SAMD8: variants seen among roughly 807,000 people sequenced by gnomAD.
The protein encoded by SAMD8 is sterile alpha motif domain containing 8.
In SAMD8, 20 loss-of-function variants were observed where a neutral mutation model predicts 42.0. The ratio of observed to expected loss-of-function variants is 0.48; its 90% CI spans 0.34 to 0.69. SAMD8 has a LOEUF of 0.69. SAMD8 is among the 30% of genes least tolerant of loss of function. The pLI is 0.01. For missense variants in SAMD8, 328 were observed against 511.6 expected (o/e 0.64, Z 3.46); for synonymous variants, 162 against 173.0 (o/e 0.94, Z 0.50).
chr10:75,137,333 A>G (rs1305638335), intron 1 of SAMD8, among the ~76,000 whole-genome samples: 2 of 152,168 alleles, frequency 1.3e-5, no homozygotes, highest in Non-Finnish European at 2.9e-5. Flanking sequence ...TGAGGTCAGG[A>G]GTTCGAGACC....
intron 1 of SAMD8, among the ~76,000 whole-genome samples, chr10:75,126,953 C>G (rs535617724): frequency 1.3e-5 from 2 of 151,920 alleles, no homozygotes; most frequent in East Asian, 3.9e-4. Context: ...TTTGGGAAGC[C>G]GAGGCGGGTA....
At chr10:75,146,831 T>C (rs905960254) in intron 1 of SAMD8, among the ~76,000 whole-genome samples, 1 of 152,232 alleles carries the variant, frequency 6.6e-6, no homozygotes, top group Non-Finnish European at 1.5e-5. Context: ...AACATAAATA[T>C]TAAATTGGCC....
intron 4 of SAMD8, among the ~76,000 whole-genome samples, chr10:75,169,169 CA>C (rs1023080854): frequency 0.16 from 4,715 of 30,140 alleles, 26 homozygotes; most frequent in African/African-American, 0.17. Context: ...GACTCCATCT[CA>C]AAAAAAAAAA....
intron 4 of SAMD8, among the ~76,000 whole-genome samples, chr10:75,168,895 G>T (rs1589976526): frequency 6.6e-6 from 1 of 152,060 alleles, no homozygotes; most frequent in Admixed American, 6.5e-5. Flanking sequence ...TCTTTCGGCC[G>T]GGCGCAGTGG....
In SAMD8 at chr10:75,166,645, C is replaced by T. The variant is rs373379155; in HGVS notation, c.675-1896C>T. Among the ~76,000 whole-genome samples, 146 of 152,236 alleles carry T rather than the reference C, an allele frequency of 9.6e-4. 2 individuals carry two copies. The Middle Eastern group carries it at 0.02, about 21-fold the overall frequency. ...GAGCCATATTCTCTCCCATTTTGTCCTGTTTTGCAGCAATATTTTAAATTC... is the reference window on the plus strand; with the variant it reads ...GAGCCATATTCTCTCCCATTTTGTCTTGTTTTGCAGCAATATTTTAAATTC... On this transcript the variant is annotated intron_variant, in intron 3 of 5. Transcript: ENST00000542569.
intron 1 of SAMD8, among the ~76,000 whole-genome samples, chr10:75,100,960 A>G (rs1371264917): frequency 6.6e-6 from 1 of 152,246 alleles, no homozygotes; most frequent in African/African-American, 2.4e-5. Flanking sequence ...TCTCAGCTGC[A>G]GTTTCAGATA....
In SAMD8 at chr10:75,123,318, C is replaced by T. The variant is rs935862764; in HGVS notation, c.-16+11596C>T. Among the ~76,000 whole-genome samples the T allele has an allele frequency of 2.6e-5, 4 of 152,132 alleles. No individual in the cohort carries two copies. In the South Asian group the frequency reaches 6.2e-4, roughly 24 times the overall value. The stretch of plus-strand genomic sequence containing the variant: ...ATCCTGAGTCTCCAGCAGGCTTCCT[C>T]TGGTAGTACCTCGGCAAGGAGCAGG... On this transcript the variant is annotated intron_variant, in intron 1 of 5. Transcript: ENST00000542569.
intron 1 of SAMD8, among the ~76,000 whole-genome samples, chr10:75,113,162 A>G (rs979512614): frequency 6.6e-6 from 1 of 152,252 alleles, no homozygotes; most frequent in Non-Finnish European, 1.5e-5. Flanking sequence ...TATAGAAGAC[A>G]TAGTTCCAAA....
intron 2 of SAMD8, among the ~76,000 whole-genome samples, chr10:75,152,197 T>C (rs1049361774): frequency 1.3e-5 from 2 of 151,410 alleles, no homozygotes; most frequent in South Asian, 4.2e-4. Context: ...ATTGAATACA[T>C]AAAAAAATGT....
At chr10:75,114,475 A>C (rs1448611027) in intron 1 of SAMD8, among the ~76,000 whole-genome samples, 1 of 152,234 alleles carries the variant, frequency 6.6e-6, no homozygotes, top group Admixed American at 6.5e-5. Flanking sequence ...CACATTGCAC[A>C]GTTGCTTATA....
At chr10:75,122,669 G>C (rs1358181993) in intron 1 of SAMD8, among the ~76,000 whole-genome samples, 2 of 150,688 alleles carry the variant, frequency 1.3e-5, no homozygotes, top group Non-Finnish European at 3.0e-5. Context: ...TGTAAACCCA[G>C]CACCCCAGCA....
intron 1 of SAMD8, among the ~76,000 whole-genome samples, chr10:75,149,816 C>A (rs1317702440): frequency 1.3e-5 from 2 of 151,920 alleles, no homozygotes; most frequent in Non-Finnish European, 2.9e-5. Context: ...CTCGAGTAGG[C>A]TTTTTAATTA....
intron 1 of SAMD8, among the ~76,000 whole-genome samples, chr10:75,138,983 G>A (rs1589951177): frequency 6.9e-6 from 1 of 144,196 alleles, no homozygotes; most frequent in African/African-American, 2.6e-5. Context: ...TTTTTGAGAC[G>A]GAGTTTCGCT....
At chr10:75,111,840 C>G (rs531628778) in intron 1 of SAMD8, 118 bp downstream of exon 1, 4 of 1,179,736 alleles carry the variant, frequency 3.4e-6, no homozygotes, top group Non-Finnish European at 4.3e-6. Context: ...GGAGGGGCCC[C>G]GGGGAGACGG....
chr10:75,113,794 T>G (rs898272177), intron 1 of SAMD8, among the ~76,000 whole-genome samples: 1 of 152,222 alleles, frequency 6.6e-6, no homozygotes, highest in Non-Finnish European at 1.5e-5. Flanking sequence ...TATTACTGTT[T>G]GTTGGTTTTA....
intron 1 of SAMD8, among the ~76,000 whole-genome samples, chr10:75,123,163 CA>C (rs1208386092): frequency 2.1e-4 from 5 of 24,150 alleles, no homozygotes; most frequent in African/African-American, 7.1e-4. Context: ...CACCCCACCT[CA>C]CCCCACCCCA....
chr10:75,111,335 T>C (rs535285597), upstream of SAMD8: 139 of 403,388 alleles, frequency 3.4e-4, no homozygotes, highest in African/African-American at 2.8e-3. Flanking sequence ...TCCTGTCGCT[T>C]TGGCCTCCGG....
At chr10:75,122,632 T>A (rs1475333183) in intron 1 of SAMD8, among the ~76,000 whole-genome samples, 1 of 149,394 alleles carries the variant, frequency 6.7e-6, no homozygotes, top group African/African-American at 2.5e-5. Flanking sequence ...AAAAAAAAAT[T>A]CTTGGCTGGG....
At chr10:75,127,174 C>T (rs1008349445) in intron 1 of SAMD8, among the ~76,000 whole-genome samples, 9 of 129,452 alleles carry the variant, frequency 7.0e-5, no homozygotes, top group Non-Finnish European at 1.2e-4. Context: ...GGGCACAGAG[C>T]GAGACTCTGT....
Sources: gnomAD v4.1 joint callset for allele counts (sites outside exome capture counted in the v4.1 genomes callset) on GRCh38, gnomAD v4.1.1 for gene constraint, MANE v1.5 for transcripts, NCBI Gene and HGNC (gene_info 2026-07-23, HGNC 2026-07-21) for gene names.